Variants in BMPR1A observed in about 807,000 individuals in gnomAD.
The protein encoded by BMPR1A is bone morphogenetic protein receptor type-1A.
In BMPR1A, 7 loss-of-function variants were observed where a neutral mutation model predicts 66.0. That is an observed-to-expected ratio of 0.11 (90% confidence interval 0.06 to 0.20). The LOEUF is 0.20. BMPR1A is among the 10% of genes least tolerant of loss of function. The probability of loss-of-function intolerance (pLI) is 1.00; values close to 1 mark genes in which losing one functional copy is unlikely to be tolerated. For synonymous variants in BMPR1A, 200 were observed against 229.7 expected, an observed-to-expected ratio of 0.87 and a Z score of 1.17; for missense variants, 408 against 669.1, an observed-to-expected ratio of 0.61 and a Z score of 4.31.
At chr10:86,823,196 A>G (rs1842144917) in intron 1 of BMPR1A, among the ~76,000 whole-genome samples, 1 of 152,254 alleles carries the variant, frequency 6.6e-6, no homozygotes, top group Admixed American at 6.5e-5. Flanking sequence ...TTCTGTATCC[A>G]GCAAGCTTTT....
chr10:86,918,938 C>G (rs1022343122), intron 9 of BMPR1A, among the ~76,000 whole-genome samples: 1 of 152,012 alleles, frequency 6.6e-6, no homozygotes, highest in Admixed American at 6.5e-5. Context: ...TTTCTTAATC[C>G]TATTCACTTT....
chr10:86,799,022 C>G (rs983013823), intron 1 of BMPR1A, among the ~76,000 whole-genome samples: 1 of 152,164 alleles, frequency 6.6e-6, no homozygotes, highest in African/African-American at 2.4e-5. Flanking sequence ...GAGCTGACTT[C>G]AATTTTACTT....
intron 1 of BMPR1A, among the ~76,000 whole-genome samples, chr10:86,806,897 G>C (rs1412158791): frequency 6.6e-6 from 1 of 151,834 alleles, no homozygotes; most frequent in Non-Finnish European, 1.5e-5. Context: ...TTTGATAGCG[G>C]GAGTCTCTTC....
chr10:86,901,910 G>GC (rs11464294), intron 7 of BMPR1A, among the ~76,000 whole-genome samples: 68,147 of 151,850 alleles, frequency 0.45, 17,526 homozygotes, highest in East Asian at 0.71. Context: ...TGTCTCCCAG[G>GC]TGGAGTGCAG....
intron 2 of BMPR1A, among the ~76,000 whole-genome samples, chr10:86,848,634 C>T (rs555851403): frequency 6.6e-6 from 1 of 152,234 alleles, no homozygotes; most frequent in Non-Finnish European, 1.5e-5. Context: ...CCCATTCTTC[C>T]ATCTCGGTTA....
Position 86,806,920 on chromosome 10 carries a change from G to A in BMPR1A, c.-267-31945G>A, listed in dbSNP as rs140820835. ...CGGGAGTCTCTTCATTCCGGCTCTC[G>A]TGTCCTTTGGATATGGCCTTGTCAT... On this transcript the variant is annotated intron_variant, in intron 1 of 12. Transcript: ENST00000372037. Among the ~76,000 whole-genome samples the A allele has an allele frequency of 4.0e-3, 602 of 151,868 alleles. 3 individuals carry two copies. The highest frequency in any genetic ancestry group is 7.8e-3 in the African/African-American group (322 of 41,404).
intron 9 of BMPR1A, among the ~76,000 whole-genome samples, chr10:86,918,546 C>T (rs1843609962): frequency 6.6e-6 from 1 of 151,980 alleles, no homozygotes; most frequent in African/African-American, 2.4e-5. Flanking sequence ...GCCTTTTCTA[C>T]TAGAGAATCA....
In BMPR1A at chr10:86,925,735, T is replaced by TTTTTTTTTTTTTTTTTG. The variant is rs1843730970; in HGVS notation, c.*2019_*2020insTTTTTTTTTTTTTGTTT. The TTTTTTTTTTTTTTTTTG allele has an allele frequency of 6.7e-6, 1 of 149,000 alleles. No homozygotes were observed. The highest frequency in any genetic ancestry group is 2.9e-5 in the African/African-American group (1 of 34,298). 9.2% of individuals were successfully genotyped at this position (149,000 alleles called of 1,614,324 possible). A position where few individuals can be genotyped will look rare whatever the true frequency, so the allele number is the denominator to read the frequency against. On this transcript the variant is annotated 3_prime_UTR_variant, in exon 13 of 13. Coordinates refer to ENST00000372037, the MANE Select transcript of BMPR1A (RefSeq NM_004329.3). ...TCATTTGTCATCTTTTTTTTTTTTT[T>TTTTTTTTTTTTTTTTTG]TTTGAGACGGAGTCTCGCTCTGTCG...
At chr10:86,814,025 G>GT (rs1228823216) in intron 1 of BMPR1A, among the ~76,000 whole-genome samples, 14 of 151,934 alleles carry the variant, frequency 9.2e-5, no homozygotes, top group African/African-American at 3.4e-4. Flanking sequence ...TGTTAATGTA[G>GT]TTTTTTTCCC....
chr10:86,763,615 A>C (rs894401089), intron 1 of BMPR1A, among the ~76,000 whole-genome samples: 7 of 129,010 alleles, frequency 5.4e-5, no homozygotes, highest in Admixed American at 2.1e-4. Context: ...CAGTCCTTGC[A>C]AGTACCAAAG....
chr10:86,911,247 AAG>A (rs1174372221), intron 7 of BMPR1A, among the ~76,000 whole-genome samples: 1 of 152,180 alleles, frequency 6.6e-6, no homozygotes, highest in Non-Finnish European at 1.5e-5. Context: ...GCATGTCAAA[AAG>A]AGTAAAGATG....
At chr10:86,758,779 T>C (rs555764541) in intron 1 of BMPR1A, among the ~76,000 whole-genome samples, 2 of 152,260 alleles carry the variant, frequency 1.3e-5, no homozygotes, top group African/African-American at 4.8e-5. Flanking sequence ...TATCTGGATT[T>C]CACCTTCACA....
At position 86,919,129 on chromosome 10, in the gene BMPR1A, A is replaced by G. The variant is rs748882022; in HGVS notation, c.869-43A>G. ...AATGAGCATTACTTCTCCCTAGCCTATCTCTGATGATAACTAACCTTTTAA... is the reference window on the plus strand; with the variant it reads ...AATGAGCATTACTTCTCCCTAGCCTGTCTCTGATGATAACTAACCTTTTAA... On this transcript the variant is annotated intron_variant, in intron 9 of 12. Coordinates refer to ENST00000372037, the MANE Select transcript of BMPR1A (RefSeq NM_004329.3). 76 of 1,607,532 alleles carry G rather than the reference A, an allele frequency of 4.7e-5. No individual in the cohort carries two copies. The highest frequency in any genetic ancestry group is 6.2e-5 in the Non-Finnish European group (73 of 1,174,190).
At chr10:86,890,270 T>C in intron 4 of BMPR1A, 46 bp downstream of exon 4, 1 of 1,600,102 alleles carries the variant, frequency 6.2e-7, no homozygotes, top group Non-Finnish European at 8.6e-7. Flanking sequence ...AGAATAGAGT[T>C]GCATTTAGTG....
At chr10:86,822,568 G>A (rs1202839766) in intron 1 of BMPR1A, among the ~76,000 whole-genome samples, 2 of 152,086 alleles carry the variant, frequency 1.3e-5, no homozygotes, top group African/African-American at 4.8e-5. Context: ...TGTATTAACT[G>A]TGTGACTTTG....
intron 1 of BMPR1A, among the ~76,000 whole-genome samples, chr10:86,777,949 G>T (rs1364033778): frequency 6.6e-6 from 1 of 151,540 alleles, no homozygotes; most frequent in East Asian, 1.9e-4. Flanking sequence ...GGAGGCAGAG[G>T]TTGCAGTGAG....
chr10:86,839,066 T>G (rs1842390667), intron 2 of BMPR1A, 87 bp downstream of exon 2: 1 of 152,220 alleles, frequency 6.6e-6, no homozygotes, highest in Non-Finnish European at 1.5e-5. Flanking sequence ...CAACTTTATT[T>G]GAGCCTTCTT....
chr10:86,852,135 G>C (rs976595684), intron 2 of BMPR1A, among the ~76,000 whole-genome samples: 2 of 148,286 alleles, frequency 1.3e-5, no homozygotes, highest in African/African-American at 5.0e-5. Context: ...AAAAAAAAAA[G>C]TTCTTTCAAG....
chr10:86,781,833 A>G (rs962343456), intron 1 of BMPR1A, among the ~76,000 whole-genome samples: 22 of 134,602 alleles, frequency 1.6e-4, no homozygotes, highest in Middle Eastern at 4.8e-3. Flanking sequence ...TGGTTCATCC[A>G]TTTTGTAGCA....
Sources: allele counts gnomAD v4.1 joint callset (sites outside exome capture counted in the v4.1 genomes callset), GRCh38; gene constraint gnomAD v4.1.1; transcripts MANE v1.5; gene names NCBI Gene and HGNC (gene_info 2026-07-23, HGNC 2026-07-21).